TMEM181: variants seen among roughly 807,000 people sequenced by gnomAD.
The protein encoded by TMEM181 is G protein-coupled receptor 178.
Under a neutral mutation model 71.9 loss-of-function variants are expected in TMEM181, and 39 were observed. The ratio of observed to expected loss-of-function variants is 0.54; its 90% CI spans 0.42 to 0.71. The LOEUF is 0.71. Among genes scored for constraint, TMEM181 ranks in the 30% least tolerant of loss-of-function variants. The pLI, the probability that TMEM181 is intolerant of heterozygous loss-of-function variation, is 0.00. For synonymous variants in TMEM181, 245 were observed against 228.8 expected (o/e 1.07, Z -0.64); for missense variants, 595 against 583.0 (o/e 1.02, Z -0.21).
At chr6:158,571,658 C>T (rs1782855806) in intron 1 of TMEM181, among the ~76,000 whole-genome samples, 1 of 152,236 alleles carries the variant, frequency 6.6e-6, no homozygotes. Context: ...AGACTTGACA[C>T]CTGGGTTAAC....
At position 158,580,364 on chromosome 6, in the gene TMEM181, A is replaced by G. The variant is rs187024912; in HGVS notation, c.113-576A>G. On this transcript the variant is annotated intron_variant, in intron 2 of 16. Transcript: ENST00000684151. ...GATGTCAAGTTCTTGGATCTGTAGG[A>G]AAAAAAATGGTTAAGATGGCAAATC... is the stretch of plus-strand genomic sequence containing the variant. 3.1e-3 allele frequency among the ~76,000 whole-genome samples: 473 copies of G among 152,148 alleles called. 4 individuals carry two copies. Among genetic ancestry groups the G allele is most frequent in the African/African-American group, 0.011 (446 of 41,514 alleles).
chr6:158,568,237 C>T (rs1782620796), intron 1 of TMEM181, among the ~76,000 whole-genome samples: 1 of 151,960 alleles, frequency 6.6e-6, no homozygotes, highest in South Asian at 2.1e-4. Flanking sequence ...GCGGGCTTTT[C>T]AGTAATGTTA....
intron 2 of TMEM181, among the ~76,000 whole-genome samples, chr6:158,574,565 A>C (rs558135220): frequency 6.6e-6 from 1 of 152,198 alleles, no homozygotes; most frequent in Non-Finnish European, 1.5e-5. Flanking sequence ...TCAAACGTCC[A>C]TGATTATATC....
At chr6:158,591,598 T>G (rs1243577380) in intron 6 of TMEM181, among the ~76,000 whole-genome samples, 1 of 152,094 alleles carries the variant, frequency 6.6e-6, no homozygotes, top group Non-Finnish European at 1.5e-5. Context: ...GCAGGTGCAC[T>G]GAGCTTAGGC....
At position 158,632,041 on chromosome 6, in the gene TMEM181, G is replaced by A; in HGVS notation, c.*153G>A. On this transcript the variant is annotated 3_prime_UTR_variant, in exon 17 of 17. Transcript: ENST00000684151. ...TTTTTTAAAGGAAAACCAAAACTGA[G>A]GGTAAATTTAAATGTTTAGCCAAAT... The A allele has an allele frequency of 1.3e-6, 1 of 748,954 alleles. No homozygotes were observed. Among genetic ancestry groups the A allele is most frequent in the Non-Finnish European group, 2.1e-6 (1 of 468,828 alleles). The allele number at this position is 748,954 out of a possible 1,614,324, so 46.4% of individuals were successfully genotyped here.
chr6:158,560,707 G>A (rs1322154056), intron 1 of TMEM181, among the ~76,000 whole-genome samples: 2 of 152,242 alleles, frequency 1.3e-5, no homozygotes, highest in Admixed American at 1.3e-4. Context: ...GAGGCTCTCA[G>A]AGGCGATTGG....
At chr6:158,561,023 C>T (rs752677514) in intron 1 of TMEM181, among the ~76,000 whole-genome samples, 10 of 152,138 alleles carry the variant, frequency 6.6e-5, no homozygotes, top group Non-Finnish European at 1.2e-4. Flanking sequence ...GAAGGAGTGG[C>T]CCATATGTGC....
At chr6:158,588,912 C>T (rs1029878231) in intron 5 of TMEM181, among the ~76,000 whole-genome samples, 23 of 152,296 alleles carry the variant, frequency 1.5e-4, no homozygotes, top group Middle Eastern at 3.4e-3. Context: ...AGTGACATTC[C>T]GAAAGGCAGG....
intron 1 of TMEM181, among the ~76,000 whole-genome samples, chr6:158,543,639 A>G (rs1244063909): frequency 6.6e-6 from 1 of 152,194 alleles, no homozygotes; most frequent in African/African-American, 2.4e-5. Flanking sequence ...CTGTGTCTTC[A>G]CATCGTCTTC....
At chr6:158,605,134 GTGTGTGT>G in intron 6 of TMEM181, 126 bp from the exon 7 acceptor site, 2 of 275,794 alleles carry the variant, frequency 7.3e-6, no homozygotes, top group Non-Finnish European at 1.3e-5. Context: ...AAAAAAAAGT[GTGTGTGT>G]GTGTGTGTGT....
At chr6:158,608,628 T>C (rs1562305368) in intron 9 of TMEM181, 31 bp from the exon 10 acceptor site, 1 of 1,600,454 alleles carries the variant, frequency 6.2e-7, no homozygotes, top group Non-Finnish European at 8.5e-7. Context: ...TGGTTTTCTT[T>C]ATTTCTTACT....
At chr6:158,590,449 TTTTTGTTTTG>T (rs1410142517) in intron 6 of TMEM181, among the ~76,000 whole-genome samples, 1 of 152,088 alleles carries the variant, frequency 6.6e-6, no homozygotes. Flanking sequence ...CAGTGGTTTT[TTTTTGTTTTG>T]TTTTGTTTTT....
chr6:158,577,154 A>G (rs1783211791), intron 2 of TMEM181, among the ~76,000 whole-genome samples: 2 of 152,170 alleles, frequency 1.3e-5, no homozygotes, highest in African/African-American at 4.8e-5. Flanking sequence ...GTCTCTGAGT[A>G]AGACCATATG....
intron 10 of TMEM181, among the ~76,000 whole-genome samples, chr6:158,612,159 G>C (rs184723571): frequency 6.6e-6 from 1 of 152,292 alleles, no homozygotes; most frequent in East Asian, 1.9e-4. Flanking sequence ...GCTGTGCCCA[G>C]CTGTCTTATC....
intron 1 of TMEM181, among the ~76,000 whole-genome samples, chr6:158,537,203 C>A (rs980454561): frequency 6.6e-6 from 1 of 152,044 alleles, no homozygotes; most frequent in Non-Finnish European, 1.5e-5. Flanking sequence ...CCCTGCGCCC[C>A]GCGTCGTTCT....
intron 2 of TMEM181, among the ~76,000 whole-genome samples, chr6:158,579,222 G>T (rs1783332222): frequency 6.7e-6 from 1 of 149,324 alleles, no homozygotes; most frequent in Admixed American, 6.7e-5. Flanking sequence ...TCACGCTATT[G>T]TACTCCAGCC....
Position 158,629,756 on chromosome 6 carries a change from C to A in TMEM181, c.1219C>A (p.Leu407Met), listed in dbSNP as rs371624907. 5 of 1,612,434 alleles carry A rather than the reference C, an allele frequency of 3.1e-6. No homozygotes were observed. Among genetic ancestry groups the A allele is most frequent in the Non-Finnish European group, 3.4e-6 (4 of 1,179,370 alleles). Residue 407 changes from leucine (L) to methionine (M), a missense_variant, in exon 15 of 17, where the codon CTG (leucine) becomes ATG (methionine). Physicochemically the swap from Leu to Met is conservative, Grantham distance 15. Coordinates refer to ENST00000684151, the MANE Select transcript of TMEM181 (RefSeq NM_001376852.1). ...NSAEFLSFYG[L>M]LNFYLYTLAF... is the part of the protein sequence containing the mutation. ...AGCCGAGTTCTTATCTTTCTATGGCCTGTTGAACTTCTATCTCTACACCTT... is the reference window on the plus strand; with the variant it reads ...AGCCGAGTTCTTATCTTTCTATGGCATGTTGAACTTCTATCTCTACACCTT...
At position 158,589,680 on chromosome 6, in the gene TMEM181, G is replaced by A. The variant is rs143737957; in HGVS notation, c.390G>A (p.Ala130=). 16 of 1,613,752 alleles carry A rather than the reference G, an allele frequency of 9.9e-6. No individual in the cohort carries two copies. The highest frequency in any genetic ancestry group is 1.6e-4 in the Middle Eastern group (1 of 6,062). ...TTTCTGTGTATTTGCAGAAATGTGC[G>A]GAGATTATTGTGGCTCACCTTGGCT... ...TRTLTCAGKC[A]EIIVAHLGYL... The change falls in exon 6 of 17, where the codon GCG becomes GCA. Residue 130 remains alanine (A), a synonymous_variant. Transcript: ENST00000684151.
Position 158,631,794 on chromosome 6 carries a change from G to T in TMEM181, c.1350-16G>T. 6.3e-7 allele frequency: 1 copy of T among 1,588,106 alleles called. No homozygotes were observed. The highest frequency in any genetic ancestry group is 8.6e-7 in the Non-Finnish European group (1 of 1,166,370). ...TGTCAGAAGTTAGACGGTCTCAAAGGTCTCTTTGCTCACAGGAGTGACTAT... is the reference window on the plus strand; with the variant it reads ...TGTCAGAAGTTAGACGGTCTCAAAGTTCTCTTTGCTCACAGGAGTGACTAT... On this transcript the variant is annotated splice_polypyrimidine_tract_variant and intron_variant, in intron 16 of 16. Transcript: ENST00000684151.
Sources: gnomAD v4.1 joint callset for allele counts (sites outside exome capture counted in the v4.1 genomes callset) on GRCh38, gnomAD v4.1.1 for gene constraint, MANE v1.5 for transcripts, NCBI Gene and HGNC (gene_info 2026-07-23, HGNC 2026-07-21) for gene names.